BBX: variants seen among roughly 807,000 people sequenced by gnomAD.
BBX encodes HMG box transcription factor BBX.
BBX carries 30 observed loss-of-function variants against 100.2 expected under a neutral mutation model. That is an observed-to-expected ratio of 0.30 (90% CI 0.22 to 0.41). BBX has a LOEUF of 0.41. Ranked by LOEUF, BBX falls within the 10% of genes least tolerant of loss-of-function variation. BBX has a pLI of 1.00. For missense variants in BBX, 1,023 were observed against 1,129.8 expected (o/e 0.91, Z 1.35); for synonymous variants, 376 against 388.1 (o/e 0.97, Z 0.37).
At chr3:107,804,959 T>C (rs1446388535) in intron 17 of BBX, among the ~76,000 whole-genome samples, 2 of 152,188 alleles carry the variant, frequency 1.3e-5, no homozygotes, top group Non-Finnish European at 2.9e-5. Flanking sequence ...TCATTTTTAA[T>C]ACCAATGGAT....
intron 4 of BBX, among the ~76,000 whole-genome samples, chr3:107,711,755 T>G (rs530506036): frequency 6.6e-6 from 1 of 152,316 alleles, no homozygotes; most frequent in South Asian, 2.1e-4. Context: ...TTTCATTTTT[T>G]AAACACATTT....
At chr3:107,722,096 C>G (rs1244639248) in intron 5 of BBX, among the ~76,000 whole-genome samples, 1 of 151,946 alleles carries the variant, frequency 6.6e-6, no homozygotes, top group Non-Finnish European at 1.5e-5. Flanking sequence ...CCAATACTGT[C>G]CAGTGTTATT....
intron 17 of BBX, among the ~76,000 whole-genome samples, chr3:107,803,292 G>A (rs1299209563): frequency 1.3e-5 from 2 of 152,106 alleles, no homozygotes; most frequent in Non-Finnish European, 2.9e-5. Context: ...GTTCTTAATA[G>A]CTAGAAGGAC....
At chr3:107,720,246 T>A (rs1412622933) in intron 5 of BBX, among the ~76,000 whole-genome samples, 2 of 152,038 alleles carry the variant, frequency 1.3e-5, no homozygotes, top group African/African-American at 4.8e-5. Flanking sequence ...TGTGTTCTTC[T>A]AATACGTATA....
intron 3 of BBX, among the ~76,000 whole-genome samples, chr3:107,657,369 C>G (rs1236343182): frequency 6.6e-6 from 1 of 152,104 alleles, no homozygotes; most frequent in African/African-American, 2.4e-5. Flanking sequence ...TGACAATTTT[C>G]TAAAACACTT....
chr3:107,559,028 A>G (rs1190122318), intron 2 of BBX, among the ~76,000 whole-genome samples: 2 of 152,242 alleles, frequency 1.3e-5, no homozygotes, highest in Non-Finnish European at 2.9e-5. Context: ...GAGAAAAGGC[A>G]TAGTGGCATG....
intron 10 of BBX, among the ~76,000 whole-genome samples, chr3:107,766,025 G>T (rs2066365111): frequency 6.6e-6 from 1 of 152,184 alleles, no homozygotes; most frequent in Non-Finnish European, 1.5e-5. Context: ...GTGCTCAGAA[G>T]AAGATGCTTA....
At chr3:107,544,897 G>T (rs1192460481) in intron 2 of BBX, among the ~76,000 whole-genome samples, 1 of 150,770 alleles carries the variant, frequency 6.6e-6, no homozygotes, top group African/African-American at 2.4e-5. Flanking sequence ...GGCACCTGTA[G>T]TCCCAGCTAC....
rs1289635129 is a variant in BBX, at chr3:107,623,937, T to C, written c.-83-21899T>C. Among the ~76,000 whole-genome samples, 5 of 152,178 alleles carry C rather than the reference T, an allele frequency of 3.3e-5. No homozygotes were observed. In the East Asian group the frequency reaches 7.7e-4, roughly 23 times the overall value. ...ATGTAGAGTAGTAATACTGTATAGA[T>C]AGAAGTGTTAGAATTGACTTTTAAA... On this transcript the variant is annotated intron_variant, in intron 2 of 17. Transcript: ENST00000325805.
chr3:107,682,327 C>T (rs908716306), intron 3 of BBX, among the ~76,000 whole-genome samples: 1 of 152,076 alleles, frequency 6.6e-6, no homozygotes, highest in Non-Finnish European at 1.5e-5. Context: ...TAAGACAGTT[C>T]ACTCGTTCAT....
intron 6 of BBX, among the ~76,000 whole-genome samples, chr3:107,730,013 G>A (rs953679293): frequency 6.6e-6 from 1 of 152,140 alleles, no homozygotes; most frequent in African/African-American, 2.4e-5. Context: ...CTTGAGTCCA[G>A]GAGTTCGAGG....
intron 15 of BBX, among the ~76,000 whole-genome samples, chr3:107,797,662 A>G (rs1056545496): frequency 2.6e-5 from 4 of 152,180 alleles, no homozygotes; most frequent in Admixed American, 6.5e-5. Context: ...TTTTAAGTTA[A>G]GGTCAGGAGG....
At chr3:107,751,980 T>A (rs1193106029) in intron 9 of BBX, among the ~76,000 whole-genome samples, 2 of 152,244 alleles carry the variant, frequency 1.3e-5, no homozygotes, top group African/African-American at 2.4e-5. Flanking sequence ...TGACCAGATA[T>A]AATGTCAGAA....
intron 10 of BBX, 82 bp from the exon 11 acceptor site, chr3:107,772,544 CAG>C: frequency 1.5e-6 from 2 of 1,342,494 alleles, no homozygotes; most frequent in Non-Finnish European, 2.0e-6. Context: ...ATTTTTAAAA[CAG>C]ATATAATTGA....
chr3:107,614,871 T>C (rs989062723), intron 2 of BBX, among the ~76,000 whole-genome samples: 1 of 152,202 alleles, frequency 6.6e-6, no homozygotes, highest in Non-Finnish European at 1.5e-5. Flanking sequence ...AATATCAGAA[T>C]ACCTTGGAGA....
intron 2 of BBX, among the ~76,000 whole-genome samples, chr3:107,529,018 A>C (rs746442172): frequency 6.6e-6 from 1 of 152,220 alleles, no homozygotes; most frequent in African/African-American, 2.4e-5. Context: ...TCACAGCTCT[A>C]TACTACTAAA....
intron 3 of BBX, among the ~76,000 whole-genome samples, chr3:107,674,110 C>A (rs184923862): frequency 1.3e-5 from 2 of 152,176 alleles, no homozygotes; most frequent in South Asian, 4.2e-4. Context: ...GGGAAAAGAA[C>A]GTGTCAGTAA....
chr3:107,736,337 A>G (rs1300746963), intron 7 of BBX, among the ~76,000 whole-genome samples: 1 of 152,120 alleles, frequency 6.6e-6, no homozygotes, highest in Non-Finnish European at 1.5e-5. Context: ...TGTAAGTACC[A>G]GACAAAAATA....
chr3:107,781,969 T>C (rs1012447705), intron 13 of BBX, among the ~76,000 whole-genome samples: 1 of 152,150 alleles, frequency 6.6e-6, no homozygotes. Flanking sequence ...CAATAGTACT[T>C]TCAGTCTTAC....
Sources: gnomAD v4.1 joint callset for allele counts (sites outside exome capture counted in the v4.1 genomes callset) on GRCh38, gnomAD v4.1.1 for gene constraint, MANE v1.5 for transcripts, NCBI Gene and HGNC (gene_info 2026-07-23, HGNC 2026-07-21) for gene names.